NAV3: variants seen among roughly 807,000 people sequenced by gnomAD.
NAV3 encodes the protein pore membrane and/or filament interacting like protein 1.
Under a neutral mutation model 244.7 loss-of-function variants are expected in NAV3, and 87 were observed. The observed-to-expected ratio is 0.36, with a 90% CI of 0.30 to 0.42. The LOEUF (loss-of-function observed/expected upper bound fraction) is 0.42, where lower values mean the gene tolerates loss of function less well. Among genes scored for constraint, NAV3 ranks in the 20% least tolerant of loss-of-function variants. The probability of loss-of-function intolerance (pLI) is 1.00; values close to 1 mark genes in which losing one functional copy is unlikely to be tolerated. For missense variants in NAV3, 2,663 were observed against 2,893.3 expected (o/e 0.92, Z 1.83); for synonymous variants, 1,126 against 1,042.2 (o/e 1.08, Z -1.55).
intron 39 of NAV3, among the ~76,000 whole-genome samples, chr12:78,208,865 A>G (rs971454594): frequency 3.9e-5 from 6 of 152,136 alleles, no homozygotes; most frequent in Admixed American, 1.3e-4. Flanking sequence ...TTTCACCCAA[A>G]TGCTTGAACA....
chr12:77,648,045 G>A (rs753358313), intron 2 of NAV3, among the ~76,000 whole-genome samples: 1 of 152,076 alleles, frequency 6.6e-6, no homozygotes, highest in South Asian at 2.1e-4. Flanking sequence ...CTTCCCTGAT[G>A]TTGGACTCCC....
intron 2 of NAV3, among the ~76,000 whole-genome samples, chr12:77,623,939 C>CTAAA (rs1871498367): frequency 6.6e-6 from 1 of 152,178 alleles, no homozygotes; most frequent in African/African-American, 2.4e-5. Flanking sequence ...AATTCTGTAT[C>CTAAA]TAAACTCATC....
chr12:77,869,992 C>G (rs1370897589), intron 1 of NAV3, among the ~76,000 whole-genome samples: 1 of 152,078 alleles, frequency 6.6e-6, no homozygotes, highest in Non-Finnish European at 1.5e-5. Flanking sequence ...TGTTACTCAA[C>G]TCAAATTTTA....
intron 2 of NAV3, among the ~76,000 whole-genome samples, chr12:77,572,494 G>A (rs1306701150): frequency 6.6e-6 from 1 of 152,092 alleles, no homozygotes; most frequent in African/African-American, 2.4e-5. Flanking sequence ...GGATTCTACT[G>A]TGTTCTCTCA....
chr12:77,730,740 C>G (rs183879372), intron 2 of NAV3, among the ~76,000 whole-genome samples: 79 of 149,996 alleles, frequency 5.3e-4, no homozygotes, highest in African/African-American at 1.7e-3. Context: ...TTAAAAGTGC[C>G]CATTGAATGG....
At chr12:78,137,113 A>G (rs1445705280) in intron 18 of NAV3, 64 bp from the exon 19 acceptor site, 2 of 1,448,336 alleles carry the variant, frequency 1.4e-6, no homozygotes, top group African/African-American at 2.9e-5. Context: ...CTTACTTTCT[A>G]TCAACCTGCT....
chr12:77,602,793 A>T (rs2136777510), intron 2 of NAV3, among the ~76,000 whole-genome samples: 1 of 152,158 alleles, frequency 6.6e-6, no homozygotes, highest in South Asian at 2.1e-4. Context: ...GTCAGAAGAC[A>T]ACTTCCCAAT....
At chr12:77,658,841 A>G (rs969606739) in intron 2 of NAV3, among the ~76,000 whole-genome samples, 16 of 152,250 alleles carry the variant, frequency 1.1e-4, no homozygotes, top group East Asian at 7.7e-4. Flanking sequence ...CAAACCTGAG[A>G]AAAACAAGCA....
intron 5 of NAV3, among the ~76,000 whole-genome samples, chr12:77,984,340 C>A (rs1870090954): frequency 6.6e-6 from 1 of 152,132 alleles, no homozygotes; most frequent in African/African-American, 2.4e-5. Context: ...AATAACGTAA[C>A]ATCAAAAGTG....
intron 1 of NAV3, among the ~76,000 whole-genome samples, chr12:77,905,647 T>A (rs916556800): frequency 1.2e-4 from 18 of 152,190 alleles, no homozygotes; most frequent in Admixed American, 1.2e-3. Flanking sequence ...CTAAATTTAA[T>A]GCATTTCTTA....
intron 2 of NAV3, among the ~76,000 whole-genome samples, chr12:77,667,430 C>T (rs1049594110): frequency 2.6e-5 from 4 of 152,134 alleles, no homozygotes; most frequent in Non-Finnish European, 5.9e-5. Flanking sequence ...TAAGACCAGC[C>T]TTTATGACTG....
At chr12:77,888,646 G>T in intron 1 of NAV3, among the ~76,000 whole-genome samples, 1 of 152,194 alleles carries the variant, frequency 6.6e-6, no homozygotes, top group East Asian at 1.9e-4. Flanking sequence ...TAAGTCTTTG[G>T]GTTGGAGTCA....
chr12:78,015,250 A>G lies in NAV3; in HGVS notation c.1908-6497A>G, dbSNP rs572459006. ...AATGACTCTCATGTACACTTCTCCCAGAGCACTCAGAGAACTTATTCATAT... is the reference window on the plus strand; with the variant it reads ...AATGACTCTCATGTACACTTCTCCCGGAGCACTCAGAGAACTTATTCATAT... On this transcript the variant is annotated intron_variant, in intron 8 of 39. Transcript: ENST00000397909. Among the ~76,000 whole-genome samples the G allele has an allele frequency of 2.0e-5, 3 of 152,232 alleles. 1 individual carries two copies. The South Asian group carries it at 6.2e-4, about 31-fold the overall frequency.
At chr12:78,127,863 A>G (rs553034872) in intron 17 of NAV3, among the ~76,000 whole-genome samples, 24 of 152,112 alleles carry the variant, frequency 1.6e-4, no homozygotes, top group African/African-American at 5.1e-4. Flanking sequence ...AATAATCTCA[A>G]AATAATTATT....
intron 23 of NAV3, among the ~76,000 whole-genome samples, chr12:78,159,567 G>A (rs1957440897): frequency 6.6e-6 from 1 of 152,004 alleles, no homozygotes; most frequent in African/African-American, 2.4e-5. Flanking sequence ...TACGCAGGAG[G>A]CTGAGGCAGG....
At chr12:77,781,360 C>T (rs966568018) in intron 2 of NAV3, among the ~76,000 whole-genome samples, 4 of 152,170 alleles carry the variant, frequency 2.6e-5, no homozygotes, top group Admixed American at 6.5e-5. Flanking sequence ...AAACTATTCT[C>T]CCTGAAGACT....
At chr12:77,586,566 C>T (rs1869623607) in intron 2 of NAV3, among the ~76,000 whole-genome samples, 1 of 152,084 alleles carries the variant, frequency 6.6e-6, no homozygotes, top group South Asian at 2.1e-4. Context: ...TCTTAGAGAG[C>T]ATCTACTAGA....
intron 7 of NAV3, among the ~76,000 whole-genome samples, chr12:78,000,693 C>T (rs564276787): frequency 0.038 from 5,446 of 141,538 alleles, 335 homozygotes; most frequent in African/African-American, 0.13. Flanking sequence ...TTAGTAGAGA[C>T]GGGGTTTCAC....
chr12:78,100,972 T>C (rs1186324590), intron 12 of NAV3, among the ~76,000 whole-genome samples: 1 of 152,194 alleles, frequency 6.6e-6, no homozygotes, highest in African/African-American at 2.4e-5. Flanking sequence ...AGTTATTTAT[T>C]CACCCAAATC....
Sources: gnomAD v4.1 joint callset for allele counts (sites outside exome capture counted in the v4.1 genomes callset) on GRCh38, gnomAD v4.1.1 for gene constraint, MANE v1.5 for transcripts, NCBI Gene and HGNC (gene_info 2026-07-23, HGNC 2026-07-21) for gene names.